SEZ6: variants seen among roughly 807,000 people sequenced by gnomAD.
The protein encoded by SEZ6 is seizure protein 6 homolog.
In SEZ6, 53 loss-of-function variants were observed where a neutral mutation model predicts 101.0. The ratio of observed to expected loss-of-function variants is 0.52; its 90% CI spans 0.42 to 0.66. The LOEUF is 0.66. Ranked by LOEUF, SEZ6 falls within the 30% of genes least tolerant of loss-of-function variation. The pLI, the probability that SEZ6 is intolerant of heterozygous loss-of-function variation, is 0.00. For synonymous variants in SEZ6, 488 were observed against 512.2 expected (o/e 0.95, Z 0.64); for missense variants, 1,102 against 1,289.4 (o/e 0.85, Z 2.23).
chr17:28,987,051 A>G (rs2041394731), intron 1 of SEZ6, among the ~76,000 whole-genome samples: 1 of 152,118 alleles, frequency 6.6e-6, no homozygotes, highest in South Asian at 2.1e-4. Context: ...GGGGGAGGGC[A>G]TGACAGCGTG....
chr17:28,957,801 A>G (rs2040908344), intron 11 of SEZ6, 146 bp downstream of exon 11: 27 of 995,796 alleles, frequency 2.7e-5, no homozygotes, highest in Non-Finnish European at 4.0e-5. Flanking sequence ...TATCATCCCC[A>G]TTTCACAGAT....
intron 2 of SEZ6, among the ~76,000 whole-genome samples, chr17:28,980,372 A>ATTT (rs377432862): frequency 2.2e-5 from 3 of 134,878 alleles, no homozygotes; most frequent in African/African-American, 5.5e-5. Context: ...ATGCCTGGCT[A>ATTT]TTTTTTTTTT....
intron 16 of SEZ6, 67 bp downstream of exon 16, chr17:28,956,092 G>A: frequency 1.3e-6 from 2 of 1,595,228 alleles, no homozygotes; most frequent in Admixed American, 3.4e-5. Flanking sequence ...GACCCTCAGG[G>A]TTATCTGCCC....
At chr17:28,957,584 A>G in intron 11 of SEZ6, 45 bp from the exon 12 acceptor site, 1 of 1,567,876 alleles carries the variant, frequency 6.4e-7, no homozygotes, top group South Asian at 1.2e-5. Context: ...AGGAGAACTA[A>G]GCAGAGGCCA....
At chr17:28,970,620 G>A (rs531837725) in intron 3 of SEZ6, among the ~76,000 whole-genome samples, 7 of 152,038 alleles carry the variant, frequency 4.6e-5, no homozygotes, top group Non-Finnish European at 1.0e-4. Context: ...CCAGCTTATC[G>A]CCGTTACTGT....
chr17:28,979,602 C>G (rs2041269516), intron 3 of SEZ6, 78 bp downstream of exon 3: 1 of 1,595,614 alleles, frequency 6.3e-7, no homozygotes, highest in Non-Finnish European at 8.6e-7. Context: ...TCCCCACATC[C>G]TCTCATAGCA....
At chr17:28,960,749 C>G in intron 6 of SEZ6, 56 bp downstream of exon 6, 1 of 1,612,086 alleles carries the variant, frequency 6.2e-7, no homozygotes, top group Non-Finnish European at 8.5e-7. Context: ...GGTAGCGTCC[C>G]TCCAGCAGGG....
In SEZ6 at chr17:28,979,902, TGTGTGTGTGTG is replaced by T. The variant is rs1260372010; in HGVS notation, c.725-100_725-90del. Reference sequence around the variant, plus strand: ...AACCGTGTGTGTGTGTGTGTGTGTGTGTGTGTGTGTGTGTGTGTGTGTGGTGAAGACCACCT... The same window carrying T: ...AACCGTGTGTGTGTGTGTGTGTGTGTTGTGTGTGTGTGGTGAAGACCACCT... On this transcript the variant is annotated intron_variant, in intron 2 of 16. Transcript: ENST00000317338. The T allele has an allele frequency of 9.3e-5, 121 of 1,305,212 alleles. No homozygotes were observed. In the African/African-American group the frequency reaches 1.4e-3, roughly 16 times the overall value. 80.9% of individuals were successfully genotyped at this position (1,305,212 alleles called of 1,614,324 possible).
chr17:28,957,224 C>G lies in SEZ6; in HGVS notation c.2513G>C (p.Cys838Ser). 6.2e-7 allele frequency: 1 copy of G among 1,614,056 alleles called. No homozygotes were observed. Among genetic ancestry groups the G allele is most frequent in the Non-Finnish European group, 8.5e-7 (1 of 1,179,896 alleles). The change falls in exon 13 of 17, where the codon TGC becomes TCC. Residue 838 changes from cysteine to serine, a missense_variant. Cys to Ser is a moderately radical substitution (Grantham distance 112). Coordinates refer to ENST00000317338, the MANE Select transcript of SEZ6 (RefSeq NM_178860.5). ...ATTCTCAGGGGCACTGAGACCATGG[C>G]ATGGCTTGAGCTGTTCCACTACAAA... Reference protein sequence around the residue: ...PKCLLEQLKPCHGLSAPENGA... With the variant: ...PKCLLEQLKPSHGLSAPENGA...
At chr17:28,978,619 G>A (rs1275925060) in intron 3 of SEZ6, among the ~76,000 whole-genome samples, 1 of 152,244 alleles carries the variant, frequency 6.6e-6, no homozygotes, top group African/African-American at 2.4e-5. Flanking sequence ...GCTGCAAGCT[G>A]TTTAGTGCAA....
rs561161706 is a variant in SEZ6, at chr17:28,957,424, C to G, written c.2418G>C (p.Met806Ile). The G allele has an allele frequency of 6.5e-5, 105 of 1,613,764 alleles. 1 individual carries two copies. In the East Asian group the frequency reaches 2.3e-3, roughly 36 times the overall value. Residue 806 changes from methionine to isoleucine, a missense_variant, in exon 12 of 17, where the codon ATG becomes ATC. By Grantham distance (10) the Met-to-Ile change is conservative. This residue lies in a region of SEZ6 where 556 missense variants were observed against 735.1 expected (regional missense o/e 0.76). Transcript: ENST00000317338. ...CATGGCAGGTGAGGATGGAGCTGCC[C>G]ATCAGCACAAAACCCTGGTCACAGA... Reference protein sequence around the residue: ...QYICDQGFVLMGSSILTCHDR... With the variant: ...QYICDQGFVLIGSSILTCHDR...
chr17:28,989,866 G>A (rs558716885), intron 1 of SEZ6, among the ~76,000 whole-genome samples: 52 of 152,226 alleles, frequency 3.4e-4, no homozygotes, highest in African/African-American at 1.2e-3. Flanking sequence ...TCAGGAGTTC[G>A]AGACCAGCCT....
At position 28,955,678 on chromosome 17, in the gene SEZ6, G is replaced by T; in HGVS notation, c.*284C>A. On this transcript the variant is annotated 3_prime_UTR_variant, in exon 17 of 17. Coordinates refer to ENST00000317338, the MANE Select transcript of SEZ6 (RefSeq NM_178860.5). ...TCCAGGGCATGAGGAGGCTCAGGAT[G>T]CTGGCTGTTGATGCTTGTGCTCCAG... The T allele has an allele frequency of 1.6e-6, 1 of 640,226 alleles. No homozygotes were observed. The highest frequency in any genetic ancestry group is 3.1e-5 in the East Asian group (1 of 31,898). 39.7% of individuals were successfully genotyped at this position (640,226 alleles called of 1,614,324 possible). A position where few individuals can be genotyped will look rare whatever the true frequency, so the allele number is the denominator to read the frequency against.
chr17:28,967,514 C>G (rs2041088408), intron 4 of SEZ6, among the ~76,000 whole-genome samples: 1 of 152,170 alleles, frequency 6.6e-6, no homozygotes, highest in African/African-American at 2.4e-5. Context: ...GGGTGGTTGT[C>G]CAGGGCAGCC....
At chr17:28,977,042 A>C (rs2041230855) in intron 3 of SEZ6, among the ~76,000 whole-genome samples, 2 of 152,260 alleles carry the variant, frequency 1.3e-5, no homozygotes, top group Non-Finnish European at 2.9e-5. Flanking sequence ...CATGGCACAT[A>C]GCAAATTCTC....
rs568941871 is a variant in SEZ6, at chr17:29,001,482, T to C, written c.55+4333A>G. Among the ~76,000 whole-genome samples the C allele has an allele frequency of 2.6e-5, 4 of 152,258 alleles. No homozygotes were observed. In the South Asian group the frequency reaches 8.3e-4, roughly 32 times the overall value. ...CAGGCCTGGCTCCCCTGAGGAACCA[T>C]GTAGTAGATGCTCCTTAAATAGGTA... is the stretch of plus-strand genomic sequence containing the variant. On this transcript the variant is annotated intron_variant, in intron 1 of 16. Transcript: ENST00000317338.
intron 1 of SEZ6, among the ~76,000 whole-genome samples, chr17:28,997,086 G>A (rs2152692945): frequency 6.6e-6 from 1 of 152,242 alleles, no homozygotes; most frequent in African/African-American, 2.4e-5. Flanking sequence ...CTGGCTGGCA[G>A]GCAGAGGGAG....
At chr17:28,999,222 G>T (rs1242633868) in intron 1 of SEZ6, among the ~76,000 whole-genome samples, 3 of 152,152 alleles carry the variant, frequency 2.0e-5, no homozygotes, top group Admixed American at 6.5e-5. Context: ...TAAGCAGAAG[G>T]ACCCAGGATG....
At chr17:28,968,212 G>A (rs1567987883) in intron 4 of SEZ6, among the ~76,000 whole-genome samples, 1 of 152,180 alleles carries the variant, frequency 6.6e-6, no homozygotes, top group Non-Finnish European at 1.5e-5. Flanking sequence ...CCCATCTCTG[G>A]GATCAGGGCT....
Sources: allele counts gnomAD v4.1 joint callset (sites outside exome capture counted in the v4.1 genomes callset), GRCh38; gene constraint gnomAD v4.1.1; regional missense constraint gnomAD v4.1.1; transcripts MANE v1.5; gene names NCBI Gene and HGNC (gene_info 2026-07-23, HGNC 2026-07-21).